The following DDX19A variants were observed in gnomAD, a reference collection of about 807,000 sequenced individuals.
DDX19A encodes DEAD-box helicase 19A.
Under a neutral mutation model 60.6 loss-of-function variants are expected in DDX19A, and 12 were observed. The observed-to-expected ratio is 0.20, with a 90% confidence interval of 0.13 to 0.32. The LOEUF is 0.32. Among genes scored for constraint, DDX19A ranks in the 10% least tolerant of loss-of-function variants. The pLI is 1.00. For missense variants in DDX19A, 337 were observed against 600.6 expected, an observed-to-expected ratio of 0.56 and a Z score of 4.59; for synonymous variants, 206 against 218.2, an observed-to-expected ratio of 0.94 and a Z score of 0.49.
At chr16:70,351,601 T>A (rs180980379) in intron 2 of DDX19A, among the ~76,000 whole-genome samples, 24 of 151,378 alleles carry the variant, frequency 1.6e-4, no homozygotes, top group Non-Finnish European at 2.7e-4. Context: ...CTCGGCTTAC[T>A]GCAAGCTCCG....
At chr16:70,365,281 G>T in intron 7 of DDX19A, 150 bp downstream of exon 7, 1 of 489,964 alleles carries the variant, frequency 2.0e-6, no homozygotes, top group Non-Finnish European at 3.7e-6. Context: ...TTGAATACCT[G>T]CTAATTTGTT....
At chr16:70,356,883 G>A in intron 4 of DDX19A, 1 of 1,275,994 alleles carries the variant, frequency 7.8e-7, no homozygotes, top group Non-Finnish European at 1.0e-6. Flanking sequence ...GTGATTTCTG[G>A]ATGTCAGGAA....
intron 9 of DDX19A, among the ~76,000 whole-genome samples, chr16:70,370,010 C>G (rs1190998067): frequency 1.3e-5 from 2 of 152,022 alleles, no homozygotes; most frequent in Non-Finnish European, 2.9e-5. Flanking sequence ...CTTTTAGCTG[C>G]TAAGTTTCAG....
At chr16:70,357,311 A>G (rs1176215413) in intron 4 of DDX19A, among the ~76,000 whole-genome samples, 1 of 141,820 alleles carries the variant, frequency 7.1e-6, no homozygotes, top group African/African-American at 2.6e-5. Context: ...TATAGGGTTT[A>G]CAGTCTTACA....
At chr16:70,356,779 T>C in intron 4 of DDX19A, 1 of 820,314 alleles carries the variant, frequency 1.2e-6, no homozygotes, top group Non-Finnish European at 1.7e-6. Context: ...GTTCTCTTGG[T>C]AGGAATTTTT....
intron 1 of DDX19A, chr16:70,347,404 A>G: frequency 3.6e-6 from 1 of 276,544 alleles, no homozygotes; most frequent in Non-Finnish European, 7.0e-6. Context: ...CTCTGTATTT[A>G]ACATTTCTTA....
intron 10 of DDX19A, chr16:70,370,658 A>G: frequency 2.7e-6 from 1 of 372,580 alleles, no homozygotes. Context: ...AATGTGCTAT[A>G]GCACTCCATC....
chr16:70,349,445 A>G (rs956003493), intron 1 of DDX19A, among the ~76,000 whole-genome samples: 4 of 152,166 alleles, frequency 2.6e-5, no homozygotes, highest in Non-Finnish European at 5.9e-5. Flanking sequence ...ACCCCCTCTT[A>G]TCAGTTCTAG....
Position 70,370,207 on chromosome 16 carries a change from G to GT in DDX19A, c.1021-8dup, listed in dbSNP as rs749080479. The GT allele has an allele frequency of 6.2e-6, 10 of 1,603,558 alleles. No homozygotes were observed. The highest frequency in any genetic ancestry group is 2.7e-5 in the African/African-American group (2 of 73,954). On this transcript the variant is annotated splice_polypyrimidine_tract_variant and intron_variant, in intron 9 of 11. Transcript: ENST00000302243. ...ACTCAAATACTTTCATTTCTCAATT[G>GT]TTTTTTTTCTTCCAGACTCGCAAAA...
At chr16:70,348,761 G>A (rs1396348011) in intron 1 of DDX19A, among the ~76,000 whole-genome samples, 1 of 151,826 alleles carries the variant, frequency 6.6e-6, no homozygotes, top group Non-Finnish European at 1.5e-5. Context: ...GCAACATGGC[G>A]AAACCCCATT....
At chr16:70,370,508 C>G (rs1964652426) in intron 10 of DDX19A, 123 bp downstream of exon 10, 1 of 1,381,130 alleles carries the variant, frequency 7.2e-7, no homozygotes. Flanking sequence ...GTTGGTGACA[C>G]TATTCCTTTC....
At chr16:70,356,948 T>TTTA (rs1964210819) in intron 4 of DDX19A, 5 of 786,834 alleles carry the variant, frequency 6.4e-6, no homozygotes, top group South Asian at 3.9e-5. Flanking sequence ...GTTTTTTTTT[T>TTTA]ACAAAAAAAA....
chr16:70,366,063 A>C (rs759334397), intron 7 of DDX19A, 22 bp from the exon 8 acceptor site: 1 of 1,614,176 alleles, frequency 6.2e-7, no homozygotes, highest in Non-Finnish European at 8.5e-7. Context: ...AATACCTATG[A>C]AAATCACCTG....
intron 9 of DDX19A, among the ~76,000 whole-genome samples, chr16:70,368,479 C>T (rs186630553): frequency 1.2e-3 from 182 of 152,244 alleles, no homozygotes; most frequent in Non-Finnish European, 1.7e-3. Context: ...CCATGTTGCC[C>T]AGGCTTGTCT....
At chr16:70,369,108 C>T (rs1964604092) in intron 9 of DDX19A, among the ~76,000 whole-genome samples, 1 of 151,782 alleles carries the variant, frequency 6.6e-6, no homozygotes, top group African/African-American at 2.4e-5. Context: ...CTCAGGTGAT[C>T]CGCCCGCCTC....
At chr16:70,368,598 T>TC in intron 9 of DDX19A, among the ~76,000 whole-genome samples, 1 of 151,476 alleles carries the variant, frequency 6.6e-6, no homozygotes, top group East Asian at 2.0e-4. Context: ...TTTTTTTTTT[T>TC]AGACGGTCTC....
intron 3 of DDX19A, 77 bp from the exon 4 acceptor site, chr16:70,356,035 G>A: frequency 6.3e-7 from 1 of 1,589,986 alleles, no homozygotes; most frequent in East Asian, 2.2e-5. Flanking sequence ...TGCTAGTGTG[G>A]AGAGGGAGAA....
intron 10 of DDX19A, 76 bp downstream of exon 10, chr16:70,370,461 T>C (rs777669647): frequency 1.0e-4 from 162 of 1,554,874 alleles, no homozygotes; most frequent in East Asian, 1.8e-4. Context: ...AATCCTTGTA[T>C]ACAGGGAAGT....
intron 1 of DDX19A, chr16:70,347,366 C>G (rs1300211545): frequency 2.4e-6 from 1 of 410,932 alleles, no homozygotes; most frequent in African/African-American, 2.0e-5. Context: ...TTTCATTACG[C>G]GACTGTTCTT....
Sources: gnomAD v4.1 joint callset for allele counts (sites outside exome capture counted in the v4.1 genomes callset) on GRCh38, gnomAD v4.1.1 for gene constraint, MANE v1.5 for transcripts, NCBI Gene and HGNC (gene_info 2026-07-23, HGNC 2026-07-21) for gene names.